The following SETBP1 variants were observed in gnomAD, a reference collection of about 807,000 sequenced individuals.
SETBP1 encodes SET-binding protein.
In SETBP1, 9 loss-of-function variants were observed where a neutral mutation model predicts 101.0. That is an observed-to-expected ratio of 0.09 (90% confidence interval 0.05 to 0.16). SETBP1 has a LOEUF of 0.16. SETBP1 is among the 10% of genes least tolerant of loss of function. The pLI, the probability that SETBP1 is intolerant of heterozygous loss-of-function variation, is 1.00. For synonymous variants in SETBP1, 818 were observed against 788.5 expected, an observed-to-expected ratio of 1.04 and a Z score of -0.63; for missense variants, 1,858 against 2,033.8, an observed-to-expected ratio of 0.91 and a Z score of 1.66.
chr18:44,752,650 C>T (rs1473615361), intron 2 of SETBP1, among the ~76,000 whole-genome samples: 1 of 152,074 alleles, frequency 6.6e-6, no homozygotes, highest in Non-Finnish European at 1.5e-5. Flanking sequence ...GATGAGAACT[C>T]TTGTGTAACT....
rs536653710 is a variant in SETBP1 at position 44,971,511 on chromosome 18, A to G, written c.4000+18171A>G. Among the ~76,000 whole-genome samples, 520 of 152,250 alleles carry G rather than the reference A, an allele frequency of 3.4e-3. 2 individuals are homozygous for G. Among genetic ancestry groups the G allele is most frequent in the Non-Finnish European group, 5.9e-3 (399 of 68,022 alleles). On this transcript the variant is annotated intron_variant, in intron 4 of 5. Transcript: ENST00000649279. ...CCACCAACAGTGTAAAAGTGTTCCT[A>G]TTTCTCCACATCCTCTCCAGCAACT...
intron 5 of SETBP1, among the ~76,000 whole-genome samples, chr18:45,044,047 T>C (rs977333119): frequency 4.6e-5 from 7 of 152,198 alleles, no homozygotes; most frequent in African/African-American, 1.7e-4. Flanking sequence ...TTACTTCTTT[T>C]GTTGTTATGT....
At chr18:44,913,750 G>A (rs1337622051) in intron 3 of SETBP1, among the ~76,000 whole-genome samples, 1 of 152,228 alleles carries the variant, frequency 6.6e-6, no homozygotes, top group African/African-American at 2.4e-5. Flanking sequence ...CTGTATGTAT[G>A]TTGGCTTTTC....
At chr18:44,708,738 A>AAAAAG (rs72194346) in intron 2 of SETBP1, among the ~76,000 whole-genome samples, 111 of 150,982 alleles carry the variant, frequency 7.4e-4, no homozygotes, top group African/African-American at 2.4e-3. Flanking sequence ...CATGTTCAAA[A>AAAAAG]AAAAGAAAAG....
intron 4 of SETBP1, among the ~76,000 whole-genome samples, chr18:45,032,590 C>A (rs1250031954): frequency 6.6e-6 from 1 of 152,166 alleles, no homozygotes; most frequent in Admixed American, 6.5e-5. Flanking sequence ...AGGGTCACCA[C>A]CTCTGATTAC....
intron 3 of SETBP1, among the ~76,000 whole-genome samples, chr18:44,918,629 A>G (rs922523788): frequency 3.3e-5 from 5 of 152,338 alleles, no homozygotes; most frequent in Non-Finnish European, 5.9e-5. Context: ...GTTGGATCAG[A>G]TATCCTCAAA....
intron 4 of SETBP1, among the ~76,000 whole-genome samples, chr18:45,011,367 G>T (rs2072834348): frequency 6.6e-6 from 1 of 152,194 alleles, no homozygotes; most frequent in Non-Finnish European, 1.5e-5. Flanking sequence ...TCTCAAAGCA[G>T]CAGCCCCAGG....
chr18:44,753,629 G>A (rs898312337), intron 2 of SETBP1, among the ~76,000 whole-genome samples: 7 of 152,222 alleles, frequency 4.6e-5, no homozygotes, highest in Non-Finnish European at 1.0e-4. Flanking sequence ...TGCCTGCCAA[G>A]ACCATGAATG....
chr18:44,712,925 C>T (rs1033146115), intron 2 of SETBP1, among the ~76,000 whole-genome samples: 2 of 150,920 alleles, frequency 1.3e-5, no homozygotes, highest in Non-Finnish European at 2.9e-5. Flanking sequence ...TTAGAAGAGC[C>T]TCTGAGCATT....
intron 3 of SETBP1, among the ~76,000 whole-genome samples, chr18:44,933,621 T>C (rs570993688): frequency 6.6e-6 from 1 of 152,270 alleles, no homozygotes; most frequent in African/African-American, 2.4e-5. Flanking sequence ...TCCTGGATGC[T>C]TTGTTTACCT....
chr18:44,931,458 C>T (rs1568223509), intron 3 of SETBP1, among the ~76,000 whole-genome samples: 1 of 152,158 alleles, frequency 6.6e-6, no homozygotes, highest in Non-Finnish European at 1.5e-5. Flanking sequence ...ATTAGGTCCA[C>T]TTGGTGCAGA....
At chr18:44,685,079 G>A (rs2068814913) in intron 1 of SETBP1, among the ~76,000 whole-genome samples, 1 of 152,150 alleles carries the variant, frequency 6.6e-6, no homozygotes, top group African/African-American at 2.4e-5. Flanking sequence ...GGAGGTAGCT[G>A]CCACCCCCTC....
chr18:44,821,758 G>C (rs549471377), intron 2 of SETBP1, among the ~76,000 whole-genome samples: 3 of 152,176 alleles, frequency 2.0e-5, no homozygotes, highest in Non-Finnish European at 4.4e-5. Context: ...AAGACTCATG[G>C]GTGGAAGCTA....
chr18:44,864,846 C>G (rs955651619), intron 2 of SETBP1, among the ~76,000 whole-genome samples: 1 of 151,990 alleles, frequency 6.6e-6, no homozygotes, highest in Non-Finnish European at 1.5e-5. Context: ...TGTCTTGGAT[C>G]CCCCTCAACC....
rs1294306503 is a variant in SETBP1 at position 44,835,656 on chromosome 18, G to A, written c.487-33574G>A. Reference sequence around the variant, plus strand: ...AGAGTTTAGGGATCCACCTTGTCTGGCTGCTCAATGTTTCTTTCCCATAGG... The same window carrying A: ...AGAGTTTAGGGATCCACCTTGTCTGACTGCTCAATGTTTCTTTCCCATAGG... On this transcript the variant is annotated intron_variant, in intron 2 of 5. Transcript: ENST00000649279. 4.6e-5 allele frequency among the ~76,000 whole-genome samples: 7 copies of A among 152,058 alleles called. No homozygotes were observed. In the East Asian group the frequency reaches 1.3e-3, roughly 29 times the overall value.
intron 4 of SETBP1, among the ~76,000 whole-genome samples, chr18:44,994,647 A>G (rs563790476): frequency 1.3e-5 from 2 of 152,324 alleles, no homozygotes; most frequent in South Asian, 2.1e-4. Context: ...TTGGTTGCCC[A>G]TTGACAATAA....
chr18:44,933,486 CA>C (rs1235577135), intron 3 of SETBP1, among the ~76,000 whole-genome samples: 1 of 152,250 alleles, frequency 6.6e-6, no homozygotes, highest in African/African-American at 2.4e-5. Context: ...AGCTGTCAGA[CA>C]GGGACGTTTA....
At chr18:44,735,250 C>T (rs542939366) in intron 2 of SETBP1, among the ~76,000 whole-genome samples, 1 of 152,192 alleles carries the variant, frequency 6.6e-6, no homozygotes, top group Non-Finnish European at 1.5e-5. Flanking sequence ...CCCAGCTTGG[C>T]TCTGCATTAG....
At chr18:44,904,285 C>T (rs2070120945) in intron 3 of SETBP1, among the ~76,000 whole-genome samples, 1 of 152,154 alleles carries the variant, frequency 6.6e-6, no homozygotes, top group Non-Finnish European at 1.5e-5. Context: ...TCTGACAATA[C>T]ATACACACAA....
Sources: allele counts gnomAD v4.1 joint callset (sites outside exome capture counted in the v4.1 genomes callset), GRCh38; gene constraint gnomAD v4.1.1; transcripts MANE v1.5; gene names NCBI Gene and HGNC (gene_info 2026-07-23, HGNC 2026-07-21).